Variants in DCC observed in about 807,000 individuals in gnomAD.
The protein encoded by DCC is DCC netrin 1 receptor, also known as netrin receptor DCC.
DCC carries 58 observed loss-of-function variants against 172.5 expected under a neutral mutation model. The ratio of observed to expected loss-of-function variants is 0.34; its 90% CI spans 0.27 to 0.42. The LOEUF is 0.42. DCC is among the 10% of genes least tolerant of loss of function. DCC has a pLI of 1.00. For synonymous variants in DCC, 709 were observed against 644.5 expected (o/e 1.10, Z -1.52); for missense variants, 1,740 against 1,791.0 (o/e 0.97, Z 0.51).
At chr18:52,745,646 T>C (rs1018868469) in intron 1 of DCC, among the ~76,000 whole-genome samples, 4 of 152,214 alleles carry the variant, frequency 2.6e-5, no homozygotes, top group African/African-American at 9.7e-5. Context: ...GTTGGGAACA[T>C]TCAAAATCAT....
At chr18:52,940,137 T>C (rs1345304628) in intron 5 of DCC, among the ~76,000 whole-genome samples, 1 of 152,138 alleles carries the variant, frequency 6.6e-6, no homozygotes, top group Non-Finnish European at 1.5e-5. Context: ...GAAGACCATC[T>C]GGTGGTAAGT....
At chr18:53,033,435 G>C (rs918132586) in intron 5 of DCC, among the ~76,000 whole-genome samples, 1 of 152,084 alleles carries the variant, frequency 6.6e-6, no homozygotes, top group Non-Finnish European at 1.5e-5. Context: ...ACTGCGTCTT[G>C]CATATGTTGC....
intron 12 of DCC, among the ~76,000 whole-genome samples, chr18:53,289,511 G>A (rs1250484051): frequency 6.6e-6 from 1 of 152,116 alleles, no homozygotes; most frequent in Non-Finnish European, 1.5e-5. Context: ...TCACTGGAAA[G>A]AATCAATCAT....
chr18:53,176,996 G>C (rs7244706), intron 8 of DCC, among the ~76,000 whole-genome samples: 10,097 of 151,600 alleles, frequency 0.067, 509 homozygotes, highest in African/African-American at 0.15. Flanking sequence ...ATACTATGCG[G>C]CCATAAAAAA....
At chr18:52,730,755 A>G (rs955965908) in intron 1 of DCC, among the ~76,000 whole-genome samples, 1 of 152,128 alleles carries the variant, frequency 6.6e-6, no homozygotes, top group African/African-American at 2.4e-5. Flanking sequence ...GGGTTAGGAT[A>G]TTTGGCCTAG....
chr18:52,395,254 G>T (rs1986178130), intron 1 of DCC, among the ~76,000 whole-genome samples: 1 of 152,062 alleles, frequency 6.6e-6, no homozygotes, highest in Non-Finnish European at 1.5e-5. Context: ...TATTGGCTAG[G>T]AAAGGAGGTG....
intron 28 of DCC, 129 bp downstream of exon 28, chr18:53,526,888 G>A (rs1235116983): frequency 4.9e-6 from 3 of 612,316 alleles, no homozygotes; most frequent in South Asian, 5.2e-5. Flanking sequence ...TCTTATTGTT[G>A]TTTGTTCCTT....
chr18:52,742,856 C>T (rs1437581432), intron 1 of DCC, among the ~76,000 whole-genome samples: 5 of 151,992 alleles, frequency 3.3e-5, no homozygotes, highest in Non-Finnish European at 7.4e-5. Context: ...TAACAAGTAT[C>T]AAATTTGAAT....
At chr18:53,478,513 A>G (rs952056717) in intron 25 of DCC, among the ~76,000 whole-genome samples, 1 of 152,176 alleles carries the variant, frequency 6.6e-6, no homozygotes, top group African/African-American at 2.4e-5. Flanking sequence ...AGTATCTTGA[A>G]TTTTATATAT....
At chr18:52,493,954 T>C (rs528092779) in intron 1 of DCC, among the ~76,000 whole-genome samples, 2 of 152,100 alleles carry the variant, frequency 1.3e-5, no homozygotes, top group Non-Finnish European at 2.9e-5. Context: ...CATCATTCCA[T>C]CTGGCATTTT....
At chr18:52,520,728 AT>A (rs35721153) in intron 1 of DCC, among the ~76,000 whole-genome samples, 10,124 of 150,280 alleles carry the variant, frequency 0.067, 735 homozygotes, top group East Asian at 0.39. Flanking sequence ...TTAGGCAATG[AT>A]TTTTTTTTTA....
At chr18:53,463,492 C>T (rs2045583882) in intron 24 of DCC, among the ~76,000 whole-genome samples, 1 of 151,998 alleles carries the variant, frequency 6.6e-6, no homozygotes, top group South Asian at 2.1e-4. Flanking sequence ...ACAGCATTAC[C>T]AAGAAACATT....
intron 22 of DCC, among the ~76,000 whole-genome samples, chr18:53,449,054 ATT>A (rs1442298692): frequency 2.0e-5 from 3 of 152,246 alleles, no homozygotes; most frequent in Non-Finnish European, 4.4e-5. Context: ...TAAGTATTAC[ATT>A]CTTTATACAG....
chr18:53,139,384 T>C (rs12457189), intron 7 of DCC, among the ~76,000 whole-genome samples: 47,225 of 152,038 alleles, frequency 0.31, 9,161 homozygotes, highest in East Asian at 0.59. Context: ...TATTTGTCTT[T>C]AAAATGAGGA....
intron 12 of DCC, among the ~76,000 whole-genome samples, chr18:53,245,861 C>T (rs1220343583): frequency 2.6e-5 from 4 of 151,958 alleles, no homozygotes; most frequent in Non-Finnish European, 5.9e-5. Context: ...ACTTGTCAGG[C>T]TTTCGTAGTT....
chr18:53,145,965 G>A (rs1397458440), intron 7 of DCC, among the ~76,000 whole-genome samples: 1 of 151,892 alleles, frequency 6.6e-6, no homozygotes, highest in Non-Finnish European at 1.5e-5. Flanking sequence ...CAGGCACAGT[G>A]GCTCACAGCT....
intron 1 of DCC, among the ~76,000 whole-genome samples, chr18:52,422,454 G>A (rs1401366183): frequency 1.3e-5 from 2 of 152,132 alleles, no homozygotes; most frequent in East Asian, 3.9e-4. Flanking sequence ...AAGAGCCTGT[G>A]ACATTTATCT....
chr18:53,499,218 A>T (rs2046065084), intron 26 of DCC, 80 bp from the exon 27 acceptor site: 1 of 1,386,454 alleles, frequency 7.2e-7, no homozygotes, highest in East Asian at 2.3e-5. Flanking sequence ...CTCTGAATGG[A>T]TGCAGGGACT....
chr18:52,971,695 C>T (rs369237065), intron 5 of DCC, among the ~76,000 whole-genome samples: 1 of 152,088 alleles, frequency 6.6e-6, no homozygotes, highest in Non-Finnish European at 1.5e-5. Flanking sequence ...TAGCCTGTTA[C>T]AGTCTGCAAT....
Sources: gnomAD v4.1 joint callset for allele counts (sites outside exome capture counted in the v4.1 genomes callset) on GRCh38, gnomAD v4.1.1 for gene constraint, MANE v1.5 for transcripts, NCBI Gene and HGNC (gene_info 2026-07-23, HGNC 2026-07-21) for gene names.